Variants in CCDC167 observed in about 807,000 individuals in gnomAD.
CCDC167 encodes the protein coiled-coil domain-containing protein 167.
CCDC167 carries 15 observed loss-of-function variants against 12.7 expected under a neutral mutation model. That is an observed-to-expected ratio of 1.18 (90% CI 0.79 to 1.81). CCDC167 has a LOEUF of 1.81. Ranked by LOEUF, CCDC167 falls within the 40% of genes most tolerant of loss-of-function variation. The probability of loss-of-function intolerance (pLI) is 0.00; values close to 1 mark genes in which losing one functional copy is unlikely to be tolerated. For synonymous variants in CCDC167, 52 were observed against 49.0 expected, an observed-to-expected ratio of 1.06 and a Z score of -0.26; for missense variants, 121 against 120.1, an observed-to-expected ratio of 1.01 and a Z score of -0.03.
At position 37,484,834 on chromosome 6, in the gene CCDC167, G is replaced by A; in HGVS notation, c.166C>T (p.Leu56=). ...RRSLEKEKNS[L]MNKASNYEKE... is the part of the protein sequence containing the mutation. ...CCGTAGTTGGAGGCTTTGTTCATTA[G>A]GCTGTTTTTCTCCTTCTCCAGGGAC... The change falls in exon 3 of 4, where the codon CTA becomes TTA. Residue 56 remains leucine, a synonymous_variant. Transcript: ENST00000373408. 6.2e-7 allele frequency: 1 copy of A among 1,614,270 alleles called. No individual in the cohort carries two copies. Among genetic ancestry groups the A allele is most frequent in the Non-Finnish European group, 8.5e-7 (1 of 1,180,050 alleles).
At chr6:37,487,613 G>A (rs1761961427) in intron 1 of CCDC167, among the ~76,000 whole-genome samples, 1 of 152,178 alleles carries the variant, frequency 6.6e-6, no homozygotes, top group Admixed American at 6.5e-5. Flanking sequence ...AGCAGATTGC[G>A]GAATTCCATC....
chr6:37,490,384 A>C (rs911946030), intron 1 of CCDC167, among the ~76,000 whole-genome samples: 2 of 152,128 alleles, frequency 1.3e-5, no homozygotes, highest in African/African-American at 4.8e-5. Context: ...GGGAGGAGGA[A>C]GGAAAAAGAG....
At chr6:37,483,410 C>A in intron 3 of CCDC167, 121 bp from the exon 4 acceptor site, 1 of 669,842 alleles carries the variant, frequency 1.5e-6, no homozygotes, top group Non-Finnish European at 2.7e-6. Context: ...CAGCCACCTC[C>A]TTACCCATAA....
chr6:37,488,195 A>G (rs1278502377), intron 1 of CCDC167, among the ~76,000 whole-genome samples: 2 of 152,252 alleles, frequency 1.3e-5, no homozygotes, highest in African/African-American at 4.8e-5. Flanking sequence ...GAGAGACTCC[A>G]GGGGACCTGG....
At position 37,485,134 on chromosome 6, in the gene CCDC167, T is replaced by C. The variant is rs1761926066; in HGVS notation, c.103A>G (p.Arg35Gly). Residue 35 changes from arginine (R) to glycine (G), a missense_variant, in exon 2 of 4, where the codon AGA becomes GGA. Transcript: ENST00000373408. Reference protein sequence around the residue: ...CRRDLEAVNSRLHSRELSPEA... With the variant: ...CRRDLEAVNSGLHSRELSPEA... ...GGGCTCAGCTCCCGGCTGTGGAGTC[T>C]GGAGTTCACGGCCTCCAGGTCTCTC... The C allele has an allele frequency of 6.2e-7, 1 of 1,613,560 alleles. No homozygotes were observed.
At chr6:37,487,198 G>C (rs1761954249) in intron 1 of CCDC167, among the ~76,000 whole-genome samples, 1 of 152,214 alleles carries the variant, frequency 6.6e-6, no homozygotes, top group Non-Finnish European at 1.5e-5. Flanking sequence ...CTAGCCCACA[G>C]ATTGGCCCAT....
At chr6:37,485,999 T>C (rs1761938713) in intron 1 of CCDC167, among the ~76,000 whole-genome samples, 1 of 152,222 alleles carries the variant, frequency 6.6e-6, no homozygotes, top group Non-Finnish European at 1.5e-5. Context: ...GGTTTTGGCA[T>C]TGAAAGTCCA....
intron 1 of CCDC167, among the ~76,000 whole-genome samples, chr6:37,495,712 G>A (rs1466826882): frequency 6.6e-6 from 1 of 152,204 alleles, no homozygotes; most frequent in Non-Finnish European, 1.5e-5. Context: ...GGTGAGTGCT[G>A]CCTGCTTGGT....
intron 1 of CCDC167, among the ~76,000 whole-genome samples, chr6:37,495,249 C>T (rs576532284): frequency 3.9e-5 from 6 of 152,250 alleles, no homozygotes; most frequent in East Asian, 1.9e-4. Context: ...TTTAGGATAC[C>T]GGCTAAGACA....
intron 1 of CCDC167, among the ~76,000 whole-genome samples, chr6:37,496,972 C>T (rs115629595): frequency 3.2e-4 from 48 of 152,320 alleles, no homozygotes; most frequent in African/African-American, 1.1e-3. Context: ...GTGGGGTATG[C>T]CCCGGTTCCA....
intron 1 of CCDC167, among the ~76,000 whole-genome samples, chr6:37,491,189 A>C (rs919636013): frequency 7.2e-5 from 11 of 152,182 alleles, no homozygotes; most frequent in African/African-American, 2.7e-4. Context: ...TGCCAGCTCC[A>C]CGGCTAGCTG....
chr6:37,487,964 G>C (rs769422658), intron 1 of CCDC167, among the ~76,000 whole-genome samples: 56 of 152,236 alleles, frequency 3.7e-4, no homozygotes, highest in Non-Finnish European at 7.5e-4. Context: ...AGCTCTCGCT[G>C]ATTCCCTTCT....
rs1762143237 is a variant in CCDC167, at chr6:37,499,854, T to G, written c.10A>C (p.Lys4Gln). Residue 4 changes from lysine to glutamine, a missense_variant, in exon 1 of 4, where the codon AAG becomes CAG. Transcript: ENST00000373408. Reference protein sequence around the residue: MTKKKRENLGVALE... With the variant: MTKQKRENLGVALE... The stretch of plus-strand genomic sequence containing the variant: ...GCGACGCCCAGATTCTCCCGCTTCT[T>G]TTTAGTCATGTTACTTGCCGGGATC... 1.2e-6 allele frequency: 2 copies of G among 1,614,164 alleles called. No individual in the cohort carries two copies. Among genetic ancestry groups the G allele is most frequent in the Non-Finnish European group, 1.7e-6 (2 of 1,180,016 alleles).
intron 3 of CCDC167, among the ~76,000 whole-genome samples, chr6:37,483,611 G>A (rs902970766): frequency 1.3e-5 from 2 of 152,152 alleles, no homozygotes; most frequent in Admixed American, 6.5e-5. Context: ...TGGTGTGACC[G>A]CCAGGTGAGT....
At chr6:37,491,404 GCC>G (rs1762020256) in intron 1 of CCDC167, among the ~76,000 whole-genome samples, 1 of 152,210 alleles carries the variant, frequency 6.6e-6, no homozygotes, top group Non-Finnish European at 1.5e-5. Flanking sequence ...CACCCCCGGG[GCC>G]TGGTGCTGGG....
At position 37,484,850 on chromosome 6, in the gene CCDC167, C is replaced by T. The variant is rs964901657; in HGVS notation, c.150G>A (p.Glu50=). ...ELSPEARRSL[E]KEKNSLMNKA... is the part of the protein sequence containing the mutation. ...TGTTCATTAGGCTGTTTTTCTCCTTCTCCAGGGACCTCCTGTGAGGGGAAA... is the reference window on the plus strand; with the variant it reads ...TGTTCATTAGGCTGTTTTTCTCCTTTTCCAGGGACCTCCTGTGAGGGGAAA... Residue 50 remains glutamate, a synonymous_variant, in exon 3 of 4, where the codon GAG becomes GAA. Coordinates refer to ENST00000373408, the MANE Select transcript of CCDC167 (RefSeq NM_138493.3). 1.9e-6 allele frequency: 3 copies of T among 1,614,166 alleles called. No homozygotes were observed. The African/African-American group carries it at 4.0e-5, about 22-fold the overall frequency.
intron 1 of CCDC167, among the ~76,000 whole-genome samples, chr6:37,492,222 T>C (rs554599398): frequency 6.6e-6 from 1 of 152,358 alleles, no homozygotes; most frequent in South Asian, 2.1e-4. Flanking sequence ...CTTCAAGCTC[T>C]TTCTCCAAAA....
chr6:37,487,036 G>A (rs969406541), intron 1 of CCDC167, among the ~76,000 whole-genome samples: 4 of 152,180 alleles, frequency 2.6e-5, no homozygotes, highest in Admixed American at 6.5e-5. Context: ...GGGACGGGGT[G>A]CATTCCACCC....
chr6:37,488,939 G>A (rs995456550), intron 1 of CCDC167, among the ~76,000 whole-genome samples: 19 of 152,172 alleles, frequency 1.2e-4, no homozygotes, highest in Admixed American at 1.2e-3. Flanking sequence ...AAGAGAAGGT[G>A]ATAGAAGCAG....
Sources: gnomAD v4.1 joint callset for allele counts (sites outside exome capture counted in the v4.1 genomes callset) on GRCh38, gnomAD v4.1.1 for gene constraint, MANE v1.5 for transcripts, NCBI Gene and HGNC (gene_info 2026-07-23, HGNC 2026-07-21) for gene names.